Variants in ROS1 observed in about 807,000 individuals in gnomAD.
ROS1 encodes proto-oncogene tyrosine-protein kinase ROS.
ROS1 carries 263 observed loss-of-function variants against 273.5 expected under a neutral mutation model. The ratio of observed to expected loss-of-function variants is 0.96; its 90% confidence interval spans 0.87 to 1.06. The LOEUF (loss-of-function observed/expected upper bound fraction) is 1.06. Ranked by LOEUF, ROS1 falls within the 50% of genes least tolerant of loss-of-function variation. The probability of loss-of-function intolerance (pLI) is 0.00; values close to 1 mark genes in which losing one functional copy is unlikely to be tolerated. For synonymous variants in ROS1, 1,008 were observed against 954.1 expected, an observed-to-expected ratio of 1.06 and a Z score of -1.04; for missense variants, 2,833 against 2,751.1, an observed-to-expected ratio of 1.03 and a Z score of -0.67.
Position 117,341,529 on chromosome 6 carries a change from G to T in ROS1, c.4755C>A (p.Val1585=). 1 of 1,613,678 alleles carries T rather than the reference G, an allele frequency of 6.2e-7. No homozygotes were observed. Among genetic ancestry groups the T allele is most frequent in the South Asian group, 1.1e-5 (1 of 91,064 alleles). The change falls in exon 30 of 44, where the codon GTC becomes GTA. Residue 1585 remains valine (V), a synonymous_variant. Coordinates refer to ENST00000368507, the MANE Select transcript of ROS1 (RefSeq NM_001378902.1). ...SHKPNGPKES[V]RYQLAISHLA... is the part of the protein sequence containing the mutation. The stretch of plus-strand genomic sequence containing the variant: ...GGTGTGAGATTGCCAACTGATAACG[G>T]ACTGATTCTTTAGGTCCATTTGGCT...
chr6:117,406,717 A>T (rs902627801), intron 5 of ROS1, among the ~76,000 whole-genome samples: 1 of 152,256 alleles, frequency 6.6e-6, no homozygotes, highest in African/African-American at 2.4e-5. Flanking sequence ...TTTAAGTAGT[A>T]TCACTTAATA....
At chr6:117,309,002 A>T (rs2128546680) in intron 41 of ROS1, 74 bp from the exon 42 acceptor site, 1 of 1,460,292 alleles carries the variant, frequency 6.8e-7, no homozygotes, top group East Asian at 2.3e-5. Context: ...CTCCAACAAC[A>T]TTTTTCCTGG....
rs1771890703 is a variant in ROS1 at position 117,378,994 on chromosome 6, T to C, written c.2582+65A>G. The C allele has an allele frequency of 4.3e-6, 4 of 921,366 alleles. No homozygotes were observed. The Admixed American group carries it at 8.6e-5, about 20-fold the overall frequency. The allele number at this position is 921,366 out of a possible 1,614,324, so 57.1% of individuals were successfully genotyped here. A position where few individuals can be genotyped will look rare whatever the true frequency, so the allele number is the denominator to read the frequency against. ...TATTGAAGGAATAAATGAATTTCCA[T>C]GCATTATCATTTATGACTGACAAGT... On this transcript the variant is annotated intron_variant, in intron 18 of 43. Coordinates refer to ENST00000368507, the MANE Select transcript of ROS1 (RefSeq NM_001378902.1).
Position 117,389,804 on chromosome 6 carries a change from G to C in ROS1, c.1332C>G (p.Asp444Glu). 1 of 1,613,224 alleles carries C rather than the reference G, an allele frequency of 6.2e-7. No individual in the cohort carries two copies. The stretch of plus-strand genomic sequence containing the variant: ...CACACCGGCCAGATGGTACAGGAAG[G>C]TCTGCTCTATAAATGCCATCTCTCA... ...YLLRDGIYRA[D>E]LPVPSGRCAE... The change falls in exon 13 of 44, where the codon GAC becomes GAG. Residue 444 changes from aspartate to glutamate, a missense_variant. Asp to Glu is a conservative substitution (Grantham distance 45). Coordinates refer to ENST00000368507, the MANE Select transcript of ROS1 (RefSeq NM_001378902.1).
intron 39 of ROS1, among the ~76,000 whole-genome samples, chr6:117,313,928 G>A (rs1248277285): frequency 6.6e-6 from 1 of 152,102 alleles, no homozygotes; most frequent in Non-Finnish European, 1.5e-5. Flanking sequence ...CGAAGGAGAC[G>A]AAGCCCTGGA....
In ROS1 at chr6:117,313,225, T is replaced by TTTTG. The variant is rs375897228; in HGVS notation, c.6118-2112_6118-2109dup. 3.3e-4 allele frequency among the ~76,000 whole-genome samples: 50 copies of TTTTG among 152,246 alleles called. No homozygotes were observed. The South Asian group carries it at 7.9e-3, about 24-fold the overall frequency. ...ACATATTTGTATTACTTTGACAGTTTTTTGTTTGTTTGTTTCGCTTTTTTC... is the reference window on the plus strand; with the variant it reads ...ACATATTTGTATTACTTTGACAGTTTTTTGTTTGTTTGTTTGTTTCGCTTTTTTC... On this transcript the variant is annotated intron_variant, in intron 39 of 43. Coordinates refer to ENST00000368507, the MANE Select transcript of ROS1 (RefSeq NM_001378902.1).
intron 27 of ROS1, among the ~76,000 whole-genome samples, chr6:117,351,461 C>A (rs928982854): frequency 1.3e-5 from 2 of 152,124 alleles, no homozygotes; most frequent in South Asian, 4.2e-4. Flanking sequence ...AAGAAAAAAA[C>A]CAGTTAAAGC....
At chr6:117,302,642 G>A (rs574398813) in intron 42 of ROS1, among the ~76,000 whole-genome samples, 2 of 152,260 alleles carry the variant, frequency 1.3e-5, no homozygotes, top group South Asian at 2.1e-4. Flanking sequence ...TTCTGCTGTA[G>A]GCCCACAGGG....
intron 9 of ROS1, among the ~76,000 whole-genome samples, chr6:117,395,456 T>C (rs1439715253): frequency 6.6e-6 from 1 of 152,084 alleles, no homozygotes; most frequent in Non-Finnish European, 1.5e-5. Flanking sequence ...GGCACAGGCA[T>C]GTACAGATTA....
rs777342450 is a variant in ROS1 at position 117,317,183 on chromosome 6, C to T, written c.6077G>A (p.Gly2026Glu). The change falls in exon 39 of 44, where the codon GGA (glycine) becomes GAA (glutamate). Residue 2026 changes from glycine (G) to glutamate (E), a missense_variant. Physicochemically the swap from Gly to Glu is moderately conservative, Grantham distance 98. Transcript: ENST00000368507. ...TTTACGCAAATAAGTAAGAAGGTCT[C>T]CTCCCTCCATCAGTTCCAGGATAAT... is the stretch of plus-strand genomic sequence containing the variant. ...QYIILELMEG[G>E]DLLTYLRKAR... 3.7e-6 allele frequency: 6 copies of T among 1,613,362 alleles called. No homozygotes were observed. In the South Asian group the frequency reaches 4.4e-5, roughly 12 times the overall value.
intron 33 of ROS1, chr6:117,328,657 C>G (rs930637918): frequency 2.6e-5 from 15 of 577,938 alleles, no homozygotes; most frequent in African/African-American, 2.4e-4. Context: ...GTTTCATAGT[C>G]CTGTGAGAGG....
intron 42 of ROS1, chr6:117,301,429 C>T (rs914571229): frequency 1.7e-5 from 4 of 240,730 alleles, no homozygotes; most frequent in Non-Finnish European, 2.4e-5. Flanking sequence ...CAACACTCAA[C>T]TACTCAAGGT....
intron 18 of ROS1, among the ~76,000 whole-genome samples, chr6:117,376,774 A>G (rs1781362893): frequency 6.6e-6 from 1 of 152,190 alleles, no homozygotes; most frequent in African/African-American, 2.4e-5. Flanking sequence ...ACCTAAAAAA[A>G]TGGAGAGATA....
At chr6:117,295,386 T>C (rs1484290487) in intron 43 of ROS1, among the ~76,000 whole-genome samples, 2 of 152,124 alleles carry the variant, frequency 1.3e-5, no homozygotes, top group African/African-American at 2.4e-5. Flanking sequence ...ATGAAACTAC[T>C]ACAAGAAAAT....
chr6:117,324,125 T>C (rs1469861961), intron 35 of ROS1, among the ~76,000 whole-genome samples: 4 of 152,198 alleles, frequency 2.6e-5, no homozygotes, highest in African/African-American at 9.7e-5. Context: ...TACATGTATA[T>C]TTTCCATAAA....
intron 39 of ROS1, among the ~76,000 whole-genome samples, chr6:117,312,647 G>C (rs1483888546): frequency 6.6e-6 from 1 of 151,970 alleles, no homozygotes. Context: ...GTTCCCTGCT[G>C]ACAGATTTTC....
At position 117,389,470 on chromosome 6, in the gene ROS1, T is replaced by C. The variant is rs1772869943; in HGVS notation, c.1666A>G (p.Ile556Val). Residue 556 changes from isoleucine to valine, a missense_variant, in exon 13 of 44, where the codon ATC (isoleucine) becomes GTC (valine). Physicochemically the swap from Ile to Val is conservative, Grantham distance 29. Coordinates refer to ENST00000368507, the MANE Select transcript of ROS1 (RefSeq NM_001378902.1). ...IEEFGFGNLV[I>V]FGSSSQLHPL... is the part of the protein sequence containing the mutation. Reference sequence around the variant, plus strand: ...TGCAGCTGGGAGGATGAGCCAAAGATGACCAAGTTACCAAACCCAAATTCT... The same window carrying C: ...TGCAGCTGGGAGGATGAGCCAAAGACGACCAAGTTACCAAACCCAAATTCT... 4 of 1,614,178 alleles carry C rather than the reference T, an allele frequency of 2.5e-6. No individual in the cohort carries two copies. The highest frequency in any genetic ancestry group is 2.2e-5 in the South Asian group (2 of 91,078).
chr6:117,414,354 G>T (rs1411104064), intron 4 of ROS1, among the ~76,000 whole-genome samples, 165 bp downstream of exon 4: 1 of 151,982 alleles, frequency 6.6e-6, no homozygotes, highest in African/African-American at 2.4e-5. Flanking sequence ...GTGCCAAAAT[G>T]GAATTTTACA....
chr6:117,306,207 A>G (rs1398395979), intron 42 of ROS1, among the ~76,000 whole-genome samples: 4 of 152,154 alleles, frequency 2.6e-5, no homozygotes, highest in African/African-American at 9.7e-5. Flanking sequence ...AACAAAGTAC[A>G]TAAAATACAG....
Sources: allele counts gnomAD v4.1 joint callset (sites outside exome capture counted in the v4.1 genomes callset), GRCh38; gene constraint gnomAD v4.1.1; transcripts MANE v1.5; gene names NCBI Gene and HGNC (gene_info 2026-07-23, HGNC 2026-07-21).